The following ZFHX3 variants were observed in gnomAD, a reference collection of about 807,000 sequenced individuals.
ZFHX3 encodes zinc finger homeobox 3.
Under a neutral mutation model 279.1 loss-of-function variants are expected in ZFHX3, and 42 were observed. The observed-to-expected ratio is 0.15, with a 90% CI of 0.12 to 0.19. The LOEUF is 0.19. ZFHX3 is among the 10% of genes least tolerant of loss of function. The pLI is 1.00. For missense variants in ZFHX3, 4,981 were observed against 4,754.0 expected, an observed-to-expected ratio of 1.05 and a Z score of -1.40; for synonymous variants, 2,293 against 1,957.8, an observed-to-expected ratio of 1.17 and a Z score of -4.52.
At chr16:73,063,044 C>G (rs1233224721), upstream of ZFHX3, among the ~76,000 whole-genome samples, 1 of 152,234 alleles carries the variant, frequency 6.6e-6, no homozygotes, top group Non-Finnish European at 1.5e-5. Flanking sequence ...CCGGGCCAGC[C>G]GGCCCGTGCC....
intron 6 of ZFHX3, among the ~76,000 whole-genome samples, chr16:73,139,901 C>T (rs1184522146): frequency 6.6e-6 from 1 of 152,202 alleles, no homozygotes; most frequent in Non-Finnish European, 1.5e-5. Context: ...CATGGTACTG[C>T]TGAGACTAGC....
rs530341363 is a variant in ZFHX3 at position 73,166,595 on chromosome 16, AG to A, written c.-1103-22765del. ...AGCATTCACTGGGAGAGAGGCAGGG[AG>A]GGGGTCTGCTGCATGGTTACCCTTG... On this transcript the variant is annotated intron_variant, in intron 5 of 17. Transcript: ENST00000641206. Among the ~76,000 whole-genome samples, 18 of 152,198 alleles carry A rather than the reference AG, an allele frequency of 1.2e-4. No homozygotes were observed. The South Asian group carries it at 3.3e-3, about 28-fold the overall frequency.
chr16:72,800,807 GA>G (rs1236371868), intron 7 of ZFHX3, among the ~76,000 whole-genome samples: 3 of 152,118 alleles, frequency 2.0e-5, no homozygotes, highest in African/African-American at 4.8e-5. Flanking sequence ...ACATCAGAGG[GA>G]ACTTCTGACC....
Position 73,441,967 on chromosome 16 carries a change from G to A in ZFHX3, c.-1291+14036C>T, listed in dbSNP as rs371163596. Among the ~76,000 whole-genome samples the A allele has an allele frequency of 1.4e-4, 21 of 152,304 alleles. 1 individual carries two copies. The South Asian group carries it at 4.4e-3, about 32-fold the overall frequency. ...GGAATGCGACATCGTGTGCGGATGA[G>A]AATTTTCTCAACAGTTAGTGTCTTG... On this transcript the variant is annotated intron_variant, in intron 3 of 17. Transcript: ENST00000641206.
At chr16:72,866,423 C>T (rs2038025917) in intron 4 of ZFHX3, among the ~76,000 whole-genome samples, 1 of 152,168 alleles carries the variant, frequency 6.6e-6, no homozygotes, top group Non-Finnish European at 1.5e-5. Flanking sequence ...CTGAAACAAA[C>T]ATGTAGACAT....
intron 7 of ZFHX3, chr16:73,125,297 A>G (rs1174516171): frequency 2.7e-5 from 4 of 150,856 alleles, no homozygotes; most frequent in African/African-American, 9.8e-5. Flanking sequence ...ATAATAGAGC[A>G]AACATTGACA....
intron 1 of ZFHX3, among the ~76,000 whole-genome samples, chr16:73,834,979 G>A (rs1961099904): frequency 6.6e-6 from 1 of 152,228 alleles, no homozygotes; most frequent in African/African-American, 2.4e-5. Context: ...ATTTTGCAGT[G>A]TTTGTAGAAC....
intron 1 of ZFHX3, among the ~76,000 whole-genome samples, chr16:73,859,316 A>C (rs1189513131): frequency 6.6e-6 from 1 of 152,218 alleles, no homozygotes; most frequent in Admixed American, 6.5e-5. Context: ...AGTCAGAATT[A>C]ATTTAATTTT....
At chr16:73,336,787 C>T (rs972872539) in intron 3 of ZFHX3, among the ~76,000 whole-genome samples, 1 of 152,160 alleles carries the variant, frequency 6.6e-6, no homozygotes, top group African/African-American at 2.4e-5. Context: ...AATCTGTTCT[C>T]TGCCGTCTTT....
chr16:73,562,579 G>A (rs1164831726), intron 2 of ZFHX3, among the ~76,000 whole-genome samples: 5 of 132,360 alleles, frequency 3.8e-5, no homozygotes, highest in Non-Finnish European at 7.7e-5. Context: ...CTGGGCGACA[G>A]AGCCAGACTC....
chr16:73,274,797 C>G (rs1482927960), intron 4 of ZFHX3, among the ~76,000 whole-genome samples: 2 of 152,128 alleles, frequency 1.3e-5, no homozygotes, highest in East Asian at 3.9e-4. Context: ...GTATTTATGC[C>G]ACAGTAATTA....
intron 2 of ZFHX3, among the ~76,000 whole-genome samples, chr16:73,622,465 G>A (rs372872072): frequency 2.0e-5 from 3 of 152,276 alleles, no homozygotes; most frequent in African/African-American, 7.2e-5. Context: ...GGGAGGCTGA[G>A]GTGGGAGAAT....
chr16:73,254,917 C>A (rs1172278054), intron 5 of ZFHX3, among the ~76,000 whole-genome samples: 3 of 152,022 alleles, frequency 2.0e-5, no homozygotes, highest in Non-Finnish European at 4.4e-5. Context: ...TCCATCCATC[C>A]ATCCACCCAC....
intron 4 of ZFHX3, among the ~76,000 whole-genome samples, chr16:73,300,220 C>A (rs2015019613): frequency 6.7e-6 from 1 of 149,858 alleles, no homozygotes; most frequent in Non-Finnish European, 1.5e-5. Context: ...CCTAGAATGC[C>A]CCACTGCACA....
chr16:73,775,785 G>A (rs1418581081), intron 1 of ZFHX3, among the ~76,000 whole-genome samples: 2 of 152,104 alleles, frequency 1.3e-5, no homozygotes, highest in East Asian at 1.9e-4. Flanking sequence ...TGGAGGCAGA[G>A]GAGGGTTTGC....
At chr16:72,880,976 A>G (rs1320052328) in intron 4 of ZFHX3, among the ~76,000 whole-genome samples, 1 of 152,260 alleles carries the variant, frequency 6.6e-6, no homozygotes, top group African/African-American at 2.4e-5. Context: ...TGAAACAGAG[A>G]GAAAGATCAG....
intron 3 of ZFHX3, among the ~76,000 whole-genome samples, chr16:73,414,279 C>T (rs971806802): frequency 2.0e-5 from 3 of 152,212 alleles, no homozygotes; most frequent in African/African-American, 7.2e-5. Context: ...GAGATAATTT[C>T]TACCTTTTAA....
At chr16:73,539,813 A>G (rs2019979452) in intron 2 of ZFHX3, among the ~76,000 whole-genome samples, 1 of 152,154 alleles carries the variant, frequency 6.6e-6, no homozygotes, top group Admixed American at 6.5e-5. Flanking sequence ...AAGCCCTCCA[A>G]ATGTTTTCGG....
intron 3 of ZFHX3, among the ~76,000 whole-genome samples, chr16:73,356,089 A>C (rs2016335985): frequency 6.6e-6 from 1 of 152,238 alleles, no homozygotes; most frequent in South Asian, 2.1e-4. Context: ...GAATTAAAGA[A>C]GAGATCCAGG....
Sources: allele counts gnomAD v4.1 joint callset (sites outside exome capture counted in the v4.1 genomes callset), GRCh38; gene constraint gnomAD v4.1.1; transcripts MANE v1.5; gene names NCBI Gene and HGNC (gene_info 2026-07-23, HGNC 2026-07-21).